OSMR: variants seen among roughly 807,000 people sequenced by gnomAD.
OSMR encodes oncostatin-M-specific receptor subunit beta.
OSMR carries 81 observed loss-of-function variants against 99.9 expected under a neutral mutation model. The observed-to-expected ratio is 0.81, with a 90% CI of 0.68 to 0.97. The LOEUF is 0.97. Among genes scored for constraint, OSMR ranks in the 50% least tolerant of loss-of-function variants. The pLI, the probability that OSMR is intolerant of heterozygous loss-of-function variation, is 0.00. For synonymous variants in OSMR, 406 were observed against 410.4 expected, an observed-to-expected ratio of 0.99 and a Z score of 0.13; for missense variants, 1,099 against 1,153.4, an observed-to-expected ratio of 0.95 and a Z score of 0.68.
rs769767383 is a variant in OSMR at position 38,944,990 on chromosome 5, G to A, written c.*131G>A. On this transcript the variant is annotated 3_prime_UTR_variant and NMD_transcript_variant, in exon 3 of 3. Transcript: ENST00000508882. ...CCCATCACTGCATCCAGAAATCCCC[G>A]AAAACTTAGAGGGAACCACTTCTAA... is the stretch of plus-strand genomic sequence containing the variant. 8.1e-6 allele frequency: 13 copies of A among 1,613,338 alleles called. No homozygotes were observed. The highest frequency in any genetic ancestry group is 3.3e-5 in the Admixed American group (2 of 59,996).
chr5:38,866,379 G>A (rs1191073347), intron 1 of OSMR, among the ~76,000 whole-genome samples: 1 of 152,184 alleles, frequency 6.6e-6, no homozygotes, highest in Non-Finnish European at 1.5e-5. Context: ...CCCTGATGCT[G>A]GAGGTGGGGG....
chr5:38,938,036 A>G (rs1747158313), downstream of OSMR: 8 of 203,154 alleles, frequency 3.9e-5, no homozygotes, highest in South Asian at 1.3e-3. Flanking sequence ...CAAGAAAATC[A>G]CAACAAAAAA....
chr5:38,945,054 G>C (rs201594508), exon 3 of OSMR: 44 of 1,600,320 alleles, frequency 2.7e-5, no homozygotes, highest in Middle Eastern at 1.7e-4. Context: ...TCAGAATATG[G>C]AATATCTTGA....
Position 38,852,718 on chromosome 5 carries a change from A to ATTTTTTTTTTTTTTTTTT in OSMR, c.-14+6344_-14+6361dup, listed in dbSNP as rs61559728. 3.1e-3 allele frequency among the ~76,000 whole-genome samples: 219 copies of ATTTTTTTTTTTTTTTTTT among 70,680 alleles called. 43 individuals are homozygous for ATTTTTTTTTTTTTTTTTT. The highest frequency in any genetic ancestry group is 4.0e-3 in the Non-Finnish European group (154 of 38,658). 46.4% of individuals were successfully genotyped at this position (70,680 alleles called of 152,430 possible). A position where few individuals can be genotyped will look rare whatever the true frequency, so the allele number is the denominator to read the frequency against. On this transcript the variant is annotated intron_variant, in intron 1 of 17. Coordinates refer to ENST00000274276, the MANE Select transcript of OSMR (RefSeq NM_003999.3). ...GATACATATTGAAACTATTGTTTTC[A>ATTTTTTTTTTTTTTTTTT]TTTTTTTTTTTTTTTTTTTTTTTTT...
chr5:38,934,652 A>G lies in OSMR; in HGVS notation c.*1208A>G, dbSNP rs1746933838. 6.6e-6 allele frequency: 1 copy of G among 151,940 alleles called. No individual in the cohort carries two copies. Among genetic ancestry groups the G allele is most frequent in the South Asian group, 2.1e-4 (1 of 4,802 alleles). 9.4% of individuals were successfully genotyped at this position (151,940 alleles called of 1,614,324 possible). On this transcript the variant is annotated 3_prime_UTR_variant, in exon 18 of 18. Transcript: ENST00000274276. ...CCAGAGCACCTAGGACTCCAGGTGCATGCTACCACACCTGACTAGTTTTTA... is the reference window on the plus strand; with the variant it reads ...CCAGAGCACCTAGGACTCCAGGTGCGTGCTACCACACCTGACTAGTTTTTA...
chr5:38,861,805 CTCCCAGTAG>C (rs1741365562), intron 1 of OSMR, among the ~76,000 whole-genome samples: 1 of 141,588 alleles, frequency 7.1e-6, no homozygotes, highest in Admixed American at 6.9e-5. Context: ...GGCTCCTCAC[CTCCCAGTAG>C]GGGCGGCTGG....
intron 2 of OSMR, among the ~76,000 whole-genome samples, chr5:38,871,583 C>G (rs1742393052): frequency 6.6e-6 from 1 of 152,196 alleles, no homozygotes; most frequent in Non-Finnish European, 1.5e-5. Context: ...ATCAACGAGG[C>G]AGAGCCAAGA....
At chr5:38,851,872 T>G (rs1314030804) in intron 1 of OSMR, among the ~76,000 whole-genome samples, 1 of 152,094 alleles carries the variant, frequency 6.6e-6, no homozygotes, top group Non-Finnish European at 1.5e-5. Flanking sequence ...TCTCACGAGA[T>G]CTGATGGTTT....
intron 3 of OSMR, among the ~76,000 whole-genome samples, chr5:38,880,453 G>C (rs1439714413): frequency 6.6e-6 from 1 of 152,180 alleles, no homozygotes; most frequent in African/African-American, 2.4e-5. Context: ...AGAAGAGAAC[G>C]TGGTTCCTGC....
At chr5:38,912,865 C>T (rs1260695657) in intron 9 of OSMR, among the ~76,000 whole-genome samples, 1 of 152,122 alleles carries the variant, frequency 6.6e-6, no homozygotes, top group Non-Finnish European at 1.5e-5. Context: ...GGATAGCTGG[C>T]TAGCTATGTG....
At position 38,869,094 on chromosome 5, in the gene OSMR, C is replaced by T. The variant is rs766647272; in HGVS notation, c.50C>T (p.Ser17Phe). 6.2e-7 allele frequency: 1 copy of T among 1,612,482 alleles called. No homozygotes were observed. The highest frequency in any genetic ancestry group is 1.1e-5 in the South Asian group (1 of 91,046). ...ACAACATTCTTCTTAACATTGCTGT[C>T]CTTGAGGACTTACCAGAGTGAAGGT... Reference protein sequence around the residue: ...FQTTFFLTLLSLRTYQSEVLA... With the variant: ...FQTTFFLTLLFLRTYQSEVLA... The change falls in exon 2 of 18, where the codon TCC becomes TTC. Residue 17 changes from serine to phenylalanine, a missense_variant. Physicochemically the swap from Ser to Phe is radical, Grantham distance 155. Coordinates refer to ENST00000274276, the MANE Select transcript of OSMR (RefSeq NM_003999.3).
At chr5:38,850,737 T>A (rs143452943) in intron 1 of OSMR, among the ~76,000 whole-genome samples, 1 of 152,358 alleles carries the variant, frequency 6.6e-6, no homozygotes, top group African/African-American at 2.4e-5. Flanking sequence ...TTTGAGAAGA[T>A]GTGCATCAAC....
chr5:38,858,006 T>C (rs999060533), intron 1 of OSMR, among the ~76,000 whole-genome samples: 8 of 152,188 alleles, frequency 5.3e-5, no homozygotes, highest in African/African-American at 1.9e-4. Flanking sequence ...TATATAATAA[T>C]TGTACATAAT....
At chr5:38,926,192 CA>C (rs1268807293) in intron 15 of OSMR, among the ~76,000 whole-genome samples, 2 of 152,144 alleles carry the variant, frequency 1.3e-5, no homozygotes, top group Non-Finnish European at 2.9e-5. Flanking sequence ...CAAATAGATT[CA>C]AAAGGCTTGC....
chr5:38,897,422 A>G (rs1196700782), intron 7 of OSMR, among the ~76,000 whole-genome samples: 1 of 152,148 alleles, frequency 6.6e-6, no homozygotes, highest in Admixed American at 6.5e-5. Flanking sequence ...AGATTTTCCA[A>G]TTTATTGCCA....
chr5:38,904,083 C>T, intron 8 of OSMR, 59 bp downstream of exon 8: 2 of 1,600,500 alleles, frequency 1.2e-6, no homozygotes, highest in African/African-American at 1.3e-5. Flanking sequence ...TGAACAGAGA[C>T]ACTGATGAAT....
At chr5:38,865,004 AG>A (rs1485512787) in intron 1 of OSMR, among the ~76,000 whole-genome samples, 26 of 152,264 alleles carry the variant, frequency 1.7e-4, no homozygotes, top group African/African-American at 4.6e-4. Context: ...TTATTTCAAA[AG>A]ACCTGTATAC....
intron 7 of OSMR, among the ~76,000 whole-genome samples, chr5:38,891,945 C>T (rs1168938670): frequency 6.6e-6 from 1 of 152,184 alleles, no homozygotes; most frequent in Admixed American, 6.5e-5. Flanking sequence ...CATGATCCCC[C>T]ACCCCTGCCG....
At chr5:38,918,699 T>A (rs1037189649) in intron 10 of OSMR, 141 bp from the exon 11 acceptor site, 3 of 1,480,446 alleles carry the variant, frequency 2.0e-6, no homozygotes, top group Non-Finnish European at 2.7e-6. Flanking sequence ...GTTGAGAGAG[T>A]TATTTTCTCT....
Sources: gnomAD v4.1 joint callset for allele counts (sites outside exome capture counted in the v4.1 genomes callset) on GRCh38, gnomAD v4.1.1 for gene constraint, MANE v1.5 for transcripts, NCBI Gene and HGNC (gene_info 2026-07-23, HGNC 2026-07-21) for gene names.